The following EYS variants were observed in gnomAD, a reference collection of about 807,000 sequenced individuals.
EYS encodes the protein protein eyes shut homolog.
A neutral mutation model predicts 282.1 loss-of-function variants in EYS; 250 were observed. That is an observed-to-expected ratio of 0.89 (90% CI 0.80 to 0.98). The LOEUF is 0.98. EYS is among the 50% of genes least tolerant of loss of function. The pLI is 0.00. For synonymous variants in EYS, 1,355 were observed against 1,282.9 expected (o/e 1.06, Z -1.20); for missense variants, 4,016 against 3,709.0 (o/e 1.08, Z -2.15).
chr6:65,073,343 A>C (rs1773952280), intron 12 of EYS, among the ~76,000 whole-genome samples: 1 of 151,862 alleles, frequency 6.6e-6, no homozygotes, highest in Non-Finnish European at 1.5e-5. Flanking sequence ...TCAAGTATAA[A>C]GATCACAGAC....
intron 22 of EYS, among the ~76,000 whole-genome samples, chr6:64,691,747 C>A (rs1770392273): frequency 6.6e-6 from 1 of 152,068 alleles, no homozygotes; most frequent in East Asian, 1.9e-4. Flanking sequence ...TGAGAACATG[C>A]AGTATTTGGT....
intron 36 of EYS, among the ~76,000 whole-genome samples, chr6:63,829,447 A>G (rs1407065804): frequency 6.6e-6 from 1 of 152,202 alleles, no homozygotes; most frequent in African/African-American, 2.4e-5. Flanking sequence ...TCCCACGCCC[A>G]CAGAGCCTTG....
At chr6:65,516,897 A>G (rs905092549) in intron 2 of EYS, among the ~76,000 whole-genome samples, 3 of 152,064 alleles carry the variant, frequency 2.0e-5, no homozygotes, top group African/African-American at 4.8e-5. Context: ...AGAGAATACA[A>G]TCTCTTACTG....
chr6:65,212,851 ATAAAT>A (rs1189292198), intron 12 of EYS, among the ~76,000 whole-genome samples: 66 of 152,220 alleles, frequency 4.3e-4, no homozygotes, highest in Non-Finnish European at 2.4e-4. Flanking sequence ...AATTTAGAAA[ATAAAT>A]TTATCACACT....
At chr6:64,855,471 A>G (rs1188299964) in intron 19 of EYS, among the ~76,000 whole-genome samples, 1 of 152,014 alleles carries the variant, frequency 6.6e-6, no homozygotes, top group Non-Finnish European at 1.5e-5. Context: ...TATTGAGTAT[A>G]CTATTTTTAG....
chr6:65,324,089 T>A (rs1224823208), intron 11 of EYS, among the ~76,000 whole-genome samples: 2 of 151,400 alleles, frequency 1.3e-5, no homozygotes, highest in East Asian at 4.0e-4. Flanking sequence ...TTTATTCCCA[T>A]CTCTGATTAA....
intron 33 of EYS, among the ~76,000 whole-genome samples, chr6:64,045,957 T>G (rs866035888): frequency 7.5e-6 from 1 of 132,856 alleles, no homozygotes; most frequent in South Asian, 2.6e-4. Context: ...TATTATATAT[T>G]TTATATATGT....
intron 22 of EYS, among the ~76,000 whole-genome samples, chr6:64,775,509 A>T (rs1773652095): frequency 6.6e-6 from 1 of 152,044 alleles, no homozygotes; most frequent in Non-Finnish European, 1.5e-5. Context: ...TATGTAATAA[A>T]TTATTGTTGG....
chr6:65,095,301 A>G (rs551230894), intron 12 of EYS, among the ~76,000 whole-genome samples: 21 of 151,388 alleles, frequency 1.4e-4, no homozygotes, highest in African/African-American at 4.6e-4. Flanking sequence ...ACAAAATTTC[A>G]GTTAGACAAG....
Position 64,230,703 on chromosome 6 carries a change from G to C in EYS, c.6313C>G (p.Gln2105Glu). The change falls in exon 31 of 43, where the codon CAG becomes GAG. Residue 2105 changes from glutamine (Q) to glutamate (E), a missense_variant. Coordinates refer to ENST00000503581, the MANE Select transcript of EYS (RefSeq NM_001142800.2). ...PSVAAPSVCQ[Q>E]DVCHNGGTCH... ...GTGCCTCCATTGTGGCATACATCCT[G>C]CTGGCACACAGAGGGTGCTGCAACA... The C allele has an allele frequency of 6.4e-7, 1 of 1,551,576 alleles. No individual in the cohort carries two copies. The highest frequency in any genetic ancestry group is 8.7e-7 in the Non-Finnish European group (1 of 1,146,890).
intron 12 of EYS, among the ~76,000 whole-genome samples, chr6:65,295,319 T>A (rs968036250): frequency 6.6e-6 from 1 of 152,008 alleles, no homozygotes; most frequent in African/African-American, 2.4e-5. Context: ...TTCTGATATT[T>A]AACCTTAAAA....
chr6:64,792,857 C>CGTGTGTGTGTGTGTGTGTGTGTGTGT (rs61516922), intron 22 of EYS, among the ~76,000 whole-genome samples: 7,228 of 148,268 alleles, frequency 0.049, 270 homozygotes, highest in Middle Eastern at 0.076. Flanking sequence ...GATCTTGACA[C>CGTGTGTGTGTGTGTGTGTGTGTGTGT]GTGTGTGTGT....
intron 12 of EYS, among the ~76,000 whole-genome samples, chr6:65,294,515 T>C (rs1768609354): frequency 6.6e-6 from 1 of 151,920 alleles, no homozygotes; most frequent in African/African-American, 2.4e-5. Flanking sequence ...ATTATGTATA[T>C]ATGTGGTAAA....
chr6:64,340,848 A>G (rs1411508992), intron 29 of EYS, among the ~76,000 whole-genome samples: 1 of 151,824 alleles, frequency 6.6e-6, no homozygotes, highest in African/African-American at 2.4e-5. Context: ...GAATCTATCA[A>G]TAACTTAAAG....
At chr6:64,814,267 T>A (rs1764682800) in intron 21 of EYS, among the ~76,000 whole-genome samples, 1 of 152,050 alleles carries the variant, frequency 6.6e-6, no homozygotes, top group African/African-American at 2.4e-5. Context: ...TATTTTAAAA[T>A]TTCTCATAGT....
intron 12 of EYS, among the ~76,000 whole-genome samples, chr6:65,291,595 G>A (rs1053649286): frequency 1.3e-5 from 2 of 151,470 alleles, no homozygotes; most frequent in African/African-American, 4.8e-5. Context: ...CATAAGGGAG[G>A]TTGTTCTTTC....
chr6:64,546,906 C>A (rs952493209), intron 26 of EYS, among the ~76,000 whole-genome samples: 4 of 152,272 alleles, frequency 2.6e-5, no homozygotes, highest in African/African-American at 9.6e-5. Context: ...GAAATAGGAA[C>A]ATTTTTACAC....
At chr6:65,086,107 G>A (rs1228701303) in intron 12 of EYS, among the ~76,000 whole-genome samples, 2 of 149,586 alleles carry the variant, frequency 1.3e-5, no homozygotes, top group Non-Finnish European at 3.0e-5. Flanking sequence ...ATTAATAGAT[G>A]ATGGCAAAAA....
At chr6:64,297,977 CAAAAAA>C (rs34562408) in intron 30 of EYS, among the ~76,000 whole-genome samples, 1 of 96,438 alleles carries the variant, frequency 1.0e-5, no homozygotes, top group Non-Finnish European at 2.1e-5. Flanking sequence ...GATTCTGTCT[CAAAAAA>C]AAAAAAAAAA....
Sources: allele counts gnomAD v4.1 joint callset (sites outside exome capture counted in the v4.1 genomes callset), GRCh38; gene constraint gnomAD v4.1.1; transcripts MANE v1.5; gene names NCBI Gene and HGNC (gene_info 2026-07-23, HGNC 2026-07-21).